RPH3A: variants seen among roughly 807,000 people sequenced by gnomAD.
RPH3A encodes rabphilin 3A.
Under a neutral mutation model 102.2 loss-of-function variants are expected in RPH3A, and 48 were observed. The ratio of observed to expected loss-of-function variants is 0.47; its 90% confidence interval spans 0.37 to 0.60. RPH3A has a LOEUF of 0.60. RPH3A is among the 20% of genes least tolerant of loss of function. The pLI, the probability that RPH3A is intolerant of heterozygous loss-of-function variation, is 0.00. For synonymous variants in RPH3A, 310 were observed against 324.3 expected (o/e 0.96, Z 0.47); for missense variants, 781 against 910.1 (o/e 0.86, Z 1.83).
At chr12:112,810,310 G>A (rs550369666) in intron 2 of RPH3A, among the ~76,000 whole-genome samples, 1 of 152,322 alleles carries the variant, frequency 6.6e-6, no homozygotes, top group Non-Finnish European at 1.5e-5. Context: ...TAAACTGGCA[G>A]CCTGGCTGGG....
At chr12:112,648,456 G>C (rs2039948005) in intron 1 of RPH3A, among the ~76,000 whole-genome samples, 1 of 150,732 alleles carries the variant, frequency 6.6e-6, no homozygotes, top group African/African-American at 2.4e-5. Context: ...GGTTAGGCCA[G>C]GTGTGGTAGC....
At chr12:112,728,321 C>A (rs1423024493) in intron 1 of RPH3A, among the ~76,000 whole-genome samples, 1 of 151,890 alleles carries the variant, frequency 6.6e-6, no homozygotes, top group Non-Finnish European at 1.5e-5. Flanking sequence ...GCTTTAATTT[C>A]TCTTTCATGT....
At chr12:112,665,545 T>C (rs768098831) in intron 1 of RPH3A, among the ~76,000 whole-genome samples, 1 of 152,206 alleles carries the variant, frequency 6.6e-6, no homozygotes, top group Non-Finnish European at 1.5e-5. Flanking sequence ...GGTTAAATTT[T>C]GTGAAGATTA....
At chr12:112,692,786 C>T (rs2040316526) in intron 1 of RPH3A, among the ~76,000 whole-genome samples, 1 of 152,202 alleles carries the variant, frequency 6.6e-6, no homozygotes, top group African/African-American at 2.4e-5. Flanking sequence ...TCTTTTGCCC[C>T]ATTTCTTCAG....
intron 1 of RPH3A, among the ~76,000 whole-genome samples, chr12:112,585,668 G>C (rs989290923): frequency 2.0e-5 from 3 of 152,164 alleles, no homozygotes; most frequent in African/African-American, 7.2e-5. Context: ...TCGGGAGGCA[G>C]AGTTTGCAGT....
Position 112,589,252 on chromosome 12 carries a change from A to AACTTTGTTCTC in RPH3A, c.-140+13935_-140+13945dup, listed in dbSNP as rs1303797057. Among the ~76,000 whole-genome samples, 26 of 152,172 alleles carry AACTTTGTTCTC rather than the reference A, an allele frequency of 1.7e-4. 1 individual carries two copies. Among genetic ancestry groups the AACTTTGTTCTC allele is most frequent in the African/African-American group, 5.5e-4 (23 of 41,498 alleles). On this transcript the variant is annotated intron_variant, in intron 1 of 21. Transcript: ENST00000543106. ...CTGGCCCACCTTATTCCTGCCTCTT[A>AACTTTGTTCTC]ACTTTGTTCTCAGGCTTCCTCTTAC...
intron 15 of RPH3A, 32 bp downstream of exon 15, chr12:112,881,878 G>A (rs200916640): frequency 9.4e-5 from 147 of 1,567,368 alleles, no homozygotes; most frequent in East Asian, 1.4e-4. Flanking sequence ...TCTGCAAACC[G>A]GGTGCATGGG....
At chr12:112,757,933 G>C (rs1190873894) in intron 1 of RPH3A, among the ~76,000 whole-genome samples, 1 of 152,186 alleles carries the variant, frequency 6.6e-6, no homozygotes, top group Admixed American at 6.5e-5. Flanking sequence ...GTAACAGCTT[G>C]TGTTCTCATT....
intron 1 of RPH3A, among the ~76,000 whole-genome samples, chr12:112,680,701 C>A (rs1238529687): frequency 6.6e-6 from 1 of 152,190 alleles, no homozygotes; most frequent in East Asian, 1.9e-4. Flanking sequence ...AAGACATAAA[C>A]CTTGTTAAGA....
At chr12:112,632,074 T>C (rs1379773751) in intron 1 of RPH3A, among the ~76,000 whole-genome samples, 1 of 152,134 alleles carries the variant, frequency 6.6e-6, no homozygotes, top group Non-Finnish European at 1.5e-5. Context: ...GTTCTTATGA[T>C]AGTGAATAAG....
At position 112,732,299 on chromosome 12, in the gene RPH3A, G is replaced by A. The variant is rs116039330; in HGVS notation, c.-139-59844G>A. Among the ~76,000 whole-genome samples, 1,061 of 152,248 alleles carry A rather than the reference G, an allele frequency of 7.0e-3. 16 individuals carry two copies. The highest frequency in any genetic ancestry group is 0.025 in the African/African-American group (1,020 of 41,532). The stretch of plus-strand genomic sequence containing the variant: ...CAGTTTGGAGGTGGAGGATGAACAC[G>A]CTCATTTCCAAAGATTTAGAATCTC... On this transcript the variant is annotated intron_variant, in intron 1 of 21. Coordinates refer to the RPH3A transcript ENST00000543106.
intron 1 of RPH3A, among the ~76,000 whole-genome samples, chr12:112,782,551 G>A (rs2041017229): frequency 6.6e-6 from 1 of 152,198 alleles, no homozygotes; most frequent in Non-Finnish European, 1.5e-5. Context: ...TCAGTCCTCA[G>A]CATATGCTTG....
At chr12:112,700,839 A>G (rs1268054050) in intron 1 of RPH3A, among the ~76,000 whole-genome samples, 1 of 152,134 alleles carries the variant, frequency 6.6e-6, no homozygotes, top group African/African-American at 2.4e-5. Flanking sequence ...GTCACTCTTT[A>G]TACCTCTTTA....
At chr12:112,799,138 G>A (rs2041292299) in intron 2 of RPH3A, among the ~76,000 whole-genome samples, 1 of 152,142 alleles carries the variant, frequency 6.6e-6, no homozygotes. Flanking sequence ...GTAAATCCCT[G>A]CACTTTGGGA....
At chr12:112,803,225 C>T (rs1168487077) in intron 2 of RPH3A, among the ~76,000 whole-genome samples, 2 of 152,146 alleles carry the variant, frequency 1.3e-5, no homozygotes, top group Non-Finnish European at 2.9e-5. Flanking sequence ...TCCAGTGTTA[C>T]ATCACCCTAT....
chr12:112,715,186 C>T (rs1236748242), intron 1 of RPH3A, among the ~76,000 whole-genome samples: 1 of 152,104 alleles, frequency 6.6e-6, no homozygotes, highest in Non-Finnish European at 1.5e-5. Context: ...ACCTTTGAAC[C>T]AGCTCTTCCC....
In RPH3A at chr12:112,868,756, C is replaced by A. The variant is rs1430403530; in HGVS notation, c.610+161C>A. ...CTCCTATATCTCCTTCAGAGTTCAC[C>A]ATAAATCGTTACCAAGAGGGTAGCA... On this transcript the variant is annotated intron_variant, in intron 8 of 21. Transcript: ENST00000389385. 1.3e-5 allele frequency: 9 copies of A among 711,160 alleles called. No individual in the cohort carries two copies. In the South Asian group the frequency reaches 1.7e-4, roughly 13 times the overall value. 44.1% of individuals were successfully genotyped at this position (711,160 alleles called of 1,614,324 possible). A position where few individuals can be genotyped will look rare whatever the true frequency, so the allele number is the denominator to read the frequency against.
At chr12:112,813,646 A>T (rs1402084832) in intron 2 of RPH3A, among the ~76,000 whole-genome samples, 1 of 152,182 alleles carries the variant, frequency 6.6e-6, no homozygotes, top group Non-Finnish European at 1.5e-5. Context: ...GAACACCTGG[A>T]CAATGCCTAG....
At chr12:112,743,301 G>A (rs2040722900) in intron 1 of RPH3A, among the ~76,000 whole-genome samples, 1 of 152,220 alleles carries the variant, frequency 6.6e-6, no homozygotes, top group Admixed American at 6.5e-5. Flanking sequence ...TTTGTTCACT[G>A]TGGTTCCCAC....
Sources: allele counts gnomAD v4.1 joint callset (sites outside exome capture counted in the v4.1 genomes callset), GRCh38; gene constraint gnomAD v4.1.1; transcripts MANE v1.5; gene names NCBI Gene and HGNC (gene_info 2026-07-23, HGNC 2026-07-21).